EPHA8: variants seen among roughly 807,000 people sequenced by gnomAD.
EPHA8 encodes ephrin type-A receptor 8.
Under a neutral mutation model 103.6 loss-of-function variants are expected in EPHA8, and 58 were observed. The ratio of observed to expected loss-of-function variants is 0.56; its 90% CI spans 0.45 to 0.70. The LOEUF (loss-of-function observed/expected upper bound fraction) is 0.70. Ranked by LOEUF, EPHA8 falls within the 30% of genes least tolerant of loss-of-function variation. The pLI is 0.00. For synonymous variants in EPHA8, 559 were observed against 572.5 expected, an observed-to-expected ratio of 0.98 and a Z score of 0.34; for missense variants, 1,304 against 1,395.2, an observed-to-expected ratio of 0.93 and a Z score of 1.04.
intron 7 of EPHA8, 121 bp downstream of exon 7, chr1:22,593,807 T>C: frequency 8.2e-7 from 1 of 1,217,006 alleles, no homozygotes; most frequent in South Asian, 1.7e-5. Context: ...ATTTCTGCTC[T>C]CCTTGCCCTA....
intron 2 of EPHA8, among the ~76,000 whole-genome samples, chr1:22,571,090 C>G (rs570349927): frequency 6.6e-6 from 1 of 152,180 alleles, no homozygotes. Flanking sequence ...CTCAGAGCAT[C>G]GGACTTGGTG....
chr1:22,564,743 T>G, intron 1 of EPHA8, among the ~76,000 whole-genome samples: 1 of 151,986 alleles, frequency 6.6e-6, no homozygotes, highest in East Asian at 1.9e-4. Context: ...CCCCAACCCC[T>G]GCCCTGACCC....
intron 3 of EPHA8, among the ~76,000 whole-genome samples, chr1:22,578,342 ATG>A (rs1236873351): frequency 7.2e-5 from 10 of 138,254 alleles, no homozygotes; most frequent in African/African-American, 2.2e-4. Context: ...GAGTGTATGC[ATG>A]TGTGTATGTG....
intron 4 of EPHA8, 74 bp from the exon 5 acceptor site, chr1:22,588,797 C>G: frequency 6.6e-7 from 1 of 1,509,118 alleles, no homozygotes. Flanking sequence ...TTGGGGAGCC[C>G]CAGGTCTGAT....
At position 22,580,127 on chromosome 1, in the gene EPHA8, C is replaced by CTTT. The variant is rs764600240; in HGVS notation, c.823+3272_823+3274dup. Among the ~76,000 whole-genome samples, 141 of 97,418 alleles carry CTTT rather than the reference C, an allele frequency of 1.4e-3. 3 individuals are homozygous for CTTT. The highest frequency in any genetic ancestry group is 5.3e-3 in the African/African-American group (119 of 22,544). 63.9% of individuals were successfully genotyped at this position (97,418 alleles called of 152,430 possible). ...AGGCTCTCTGGTTTTCTTTCTTTCTCTTTTTTTTTTTTTTTTTTTTTTTTT... is the reference window on the plus strand; with the variant it reads ...AGGCTCTCTGGTTTTCTTTCTTTCTCTTTTTTTTTTTTTTTTTTTTTTTTTTTT... On this transcript the variant is annotated intron_variant, in intron 3 of 16. Coordinates refer to ENST00000166244, the MANE Select transcript of EPHA8 (RefSeq NM_020526.5).
At chr1:22,594,477 G>T (rs1167909997) in intron 7 of EPHA8, among the ~76,000 whole-genome samples, 1 of 152,208 alleles carries the variant, frequency 6.6e-6, no homozygotes, top group East Asian at 1.9e-4. Flanking sequence ...AACTCTGTGG[G>T]TGGGCCCAGC....
At chr1:22,600,284 GAGGAA>G (rs1040957021) in intron 13 of EPHA8, among the ~76,000 whole-genome samples, 15 of 147,752 alleles carry the variant, frequency 1.0e-4, no homozygotes, top group African/African-American at 3.1e-4. Flanking sequence ...AGGAAGGGAT[GAGGAA>G]AGGAAGGAAG....
intron 2 of EPHA8, among the ~76,000 whole-genome samples, chr1:22,571,208 G>A (rs1483561482): frequency 6.6e-6 from 1 of 152,204 alleles, no homozygotes; most frequent in Non-Finnish European, 1.5e-5. Flanking sequence ...CATGCGGGGC[G>A]CTATAATGCA....
At chr1:22,579,759 C>A (rs901191365) in intron 3 of EPHA8, among the ~76,000 whole-genome samples, 5 of 152,148 alleles carry the variant, frequency 3.3e-5, no homozygotes, top group Non-Finnish European at 2.9e-5. Context: ...TGTTTATATG[C>A]AGGGATCAGA....
Position 22,595,237 on chromosome 1 carries a change from C to T in EPHA8, c.1611C>T (p.Arg537=). 2 of 1,610,160 alleles carry T rather than the reference C, an allele frequency of 1.2e-6. No homozygotes were observed. The highest frequency in any genetic ancestry group is 8.5e-7 in the Non-Finnish European group (1 of 1,177,248). ...MEVETGKPRP[R]YDTRTIVWIC... ...CCTGGCTTTCCCCTGCAGGGCCCCGCTATGACACCAGGACCATTGTCTGGA... is the reference window on the plus strand; with the variant it reads ...CCTGGCTTTCCCCTGCAGGGCCCCGTTATGACACCAGGACCATTGTCTGGA... The change falls in exon 8 of 17, where the codon CGC becomes CGT. Residue 537 remains arginine (R), a synonymous_variant. Coordinates refer to ENST00000166244, the MANE Select transcript of EPHA8 (RefSeq NM_020526.5).
chr1:22,588,075 T>C (rs568162144), intron 4 of EPHA8, among the ~76,000 whole-genome samples: 4 of 152,222 alleles, frequency 2.6e-5, no homozygotes, highest in Non-Finnish European at 5.9e-5. Context: ...GCTTTTAGTA[T>C]TCTATACCCT....
At position 22,576,393 on chromosome 1, in the gene EPHA8, T is replaced by C. The variant is rs1557556049; in HGVS notation, c.336T>C (p.Pro112=). ...KFTLRDCNSM[P]GVLGTCKETF... ...CCCTGCGCGACTGCAACAGCATGCCTGGTGTGCTGGGCACCTGCAAGGAGA... is the reference window on the plus strand; with the variant it reads ...CCCTGCGCGACTGCAACAGCATGCCCGGTGTGCTGGGCACCTGCAAGGAGA... Residue 112 remains proline (P), a synonymous_variant, in exon 3 of 17, where the codon CCT becomes CCC. Transcript: ENST00000166244. This position sits in a 1 kb window ranked among gnomAD's most constrained non-coding sequence, Gnocchi z 4.8. 1.9e-6 allele frequency: 3 copies of C among 1,613,828 alleles called. No homozygotes were observed. The highest frequency in any genetic ancestry group is 1.6e-4 in the Middle Eastern group (1 of 6,062).
chr1:22,570,842 A>G (rs1640524041), intron 2 of EPHA8, among the ~76,000 whole-genome samples: 1 of 152,214 alleles, frequency 6.6e-6, no homozygotes, highest in Non-Finnish European at 1.5e-5. Flanking sequence ...CTCCCAGCCC[A>G]TCAGTTCCCC....
chr1:22,586,572 G>A lies in EPHA8; in HGVS notation c.916G>A (p.Ala306Thr). ...HSHSAAPAAQ[A>T]CHCDLSYYRA... ...CCACTCCGCAGCTCCAGCCGCCCAA[G>A]CCTGCCACTGTGACCTCAGCTACTA... is the stretch of plus-strand genomic sequence containing the variant. The change falls in exon 4 of 17, where the codon GCC becomes ACC. Residue 306 changes from alanine (A) to threonine (T), a missense_variant. By Grantham distance (58) the Ala-to-Thr change is moderately conservative. Coordinates refer to ENST00000166244, the MANE Select transcript of EPHA8 (RefSeq NM_020526.5). The A allele has an allele frequency of 1.2e-6, 2 of 1,613,692 alleles. No individual in the cohort carries two copies. Among genetic ancestry groups the A allele is most frequent in the South Asian group, 1.1e-5 (1 of 91,048 alleles).
In EPHA8 at chr1:22,593,515, C is replaced by T. The variant is rs760989055; in HGVS notation, c.1441-9C>T. The T allele has an allele frequency of 1.9e-6, 3 of 1,611,242 alleles. No individual in the cohort carries two copies. Among genetic ancestry groups the T allele is most frequent in the Non-Finnish European group, 2.5e-6 (3 of 1,178,870 alleles). ...AGGGCAGGGCCCACTGACCACCGTC[C>T]CGTGGCAGGACAAGGAGATGCAGAG... On this transcript the variant is annotated splice_polypyrimidine_tract_variant and intron_variant, in intron 6 of 16. Transcript: ENST00000166244.
At position 22,601,646 on chromosome 1, in the gene EPHA8, A is replaced by G; in HGVS notation, c.2923A>G (p.Ile975Val). The G allele has an allele frequency of 6.3e-7, 1 of 1,593,802 alleles. No individual in the cohort carries two copies. The highest frequency in any genetic ancestry group is 8.5e-7 in the Non-Finnish European group (1 of 1,170,454). ...MNAQDVRALG[I>V]TLMGHQKKIL... is the part of the protein sequence containing the mutation. ...TCACAGGGACGTGCGCGCCCTGGGC[A>G]TCACCCTCATGGGCCACCAGAAGAA... Residue 975 changes from isoleucine to valine, a missense_variant, in exon 17 of 17, where the codon ATC becomes GTC. Transcript: ENST00000166244.
At chr1:22,582,485 A>G (rs1216036845) in intron 3 of EPHA8, among the ~76,000 whole-genome samples, 1 of 152,020 alleles carries the variant, frequency 6.6e-6, no homozygotes, top group African/African-American at 2.4e-5. Context: ...GCCAGGTCAC[A>G]TGGCTCTTTA....
At position 22,601,545 on chromosome 1, in the gene EPHA8, A is replaced by G. The variant is rs560968097; in HGVS notation, c.2903+72A>G. ...GGGGGACCCCTGCCGGGGAGGCTAC[A>G]GGTCCAGATCCATGGCCCTGGCTGC... On this transcript the variant is annotated intron_variant, in intron 16 of 16. Transcript: ENST00000166244. The G allele has an allele frequency of 7.5e-6, 12 of 1,597,750 alleles. No homozygotes were observed. In the African/African-American group the frequency reaches 1.2e-4, roughly 16 times the overall value.
chr1:22,575,420 A>G (rs2124518616), intron 2 of EPHA8, among the ~76,000 whole-genome samples: 1 of 152,208 alleles, frequency 6.6e-6, no homozygotes, highest in East Asian at 1.9e-4. Flanking sequence ...TCCTTTGCCC[A>G]TTTTCTAATT....
Sources: gnomAD v4.1 joint callset for allele counts (sites outside exome capture counted in the v4.1 genomes callset) on GRCh38, gnomAD v4.1.1 for gene constraint, Gnocchi (gnomAD v3.1) non-coding constraint, MANE v1.5 for transcripts, NCBI Gene and HGNC (gene_info 2026-07-23, HGNC 2026-07-21) for gene names.